Variants in GNG4 observed in about 807,000 individuals in gnomAD.
The protein encoded by GNG4 is guanine nucleotide-binding protein G(I)/G(S)/G(O) subunit gamma-4.
A neutral mutation model predicts 5.8 loss-of-function variants in GNG4; 4 were observed. The ratio of observed to expected loss-of-function variants is 0.69; its 90% CI spans 0.34 to 1.57. The LOEUF (loss-of-function observed/expected upper bound fraction) is 1.57, where lower values mean the gene tolerates loss of function less well. Among genes scored for constraint, GNG4 ranks in the 40% most tolerant of loss-of-function variants. The pLI, the probability that GNG4 is intolerant of heterozygous loss-of-function variation, is 0.06. For missense variants in GNG4, 96 were observed against 95.1 expected, an observed-to-expected ratio of 1.01 and a Z score of -0.04; for synonymous variants, 29 against 32.9, an observed-to-expected ratio of 0.88 and a Z score of 0.41.
At chr1:235,591,002 G>A (rs555322717) in intron 2 of GNG4, among the ~76,000 whole-genome samples, 22 of 152,294 alleles carry the variant, frequency 1.4e-4, no homozygotes, top group African/African-American at 5.1e-4. Context: ...GAGATCCTGC[G>A]CTTCTAACGA....
In GNG4 at chr1:235,596,233, C is replaced by T. The variant is rs1235065542; in HGVS notation, c.-122-722G>A. On this transcript the variant is annotated intron_variant, in intron 1 of 3. Coordinates refer to ENST00000391854, the MANE Select transcript of GNG4 (RefSeq NM_001098722.2). Reference sequence around the variant, plus strand: ...ATACACACACACACACACACACACACACACACACACACACACACACCTGGC... The same window carrying T: ...ATACACACACACACACACACACACATACACACACACACACACACACCTGGC... Among the ~76,000 whole-genome samples the T allele has an allele frequency of 2.0e-5, 3 of 148,716 alleles. No homozygotes were observed. In the Middle Eastern group the frequency reaches 0.011, roughly 563 times the overall value.
At chr1:235,592,094 C>G (rs954674573) in intron 2 of GNG4, among the ~76,000 whole-genome samples, 1 of 152,186 alleles carries the variant, frequency 6.6e-6, no homozygotes, top group African/African-American at 2.4e-5. Context: ...AACATCTTAA[C>G]ATATGTCTCT....
At chr1:235,610,143 C>T (rs1688450348) in intron 1 of GNG4, among the ~76,000 whole-genome samples, 1 of 152,222 alleles carries the variant, frequency 6.6e-6, no homozygotes, top group South Asian at 2.1e-4. Context: ...TTTAACCCCT[C>T]AGCCCTTCCT....
chr1:235,636,474 C>G (rs905405528), intron 1 of GNG4, among the ~76,000 whole-genome samples: 2 of 152,170 alleles, frequency 1.3e-5, no homozygotes, highest in Non-Finnish European at 2.9e-5. Flanking sequence ...GGCCTGCATT[C>G]CCTCATCTTT....
intron 1 of GNG4, among the ~76,000 whole-genome samples, chr1:235,632,162 T>C (rs1354660393): frequency 6.6e-6 from 1 of 152,134 alleles, no homozygotes; most frequent in Non-Finnish European, 1.5e-5. Context: ...CATGGCTCCC[T>C]GCAGCCTTAA....
chr1:235,574,747 C>T (rs900876642), intron 3 of GNG4, among the ~76,000 whole-genome samples: 26 of 151,994 alleles, frequency 1.7e-4, no homozygotes, highest in Admixed American at 2.0e-4. Flanking sequence ...TTCTCTTTTT[C>T]TGTTTTCTCT....
chr1:235,602,681 T>A (rs1558493376), intron 1 of GNG4, among the ~76,000 whole-genome samples: 1 of 152,332 alleles, frequency 6.6e-6, no homozygotes, highest in East Asian at 1.9e-4. Flanking sequence ...CACTCAGGTC[T>A]AACAAGGATT....
intron 2 of GNG4, among the ~76,000 whole-genome samples, chr1:235,591,211 C>G (rs1327567962): frequency 1.3e-5 from 2 of 152,328 alleles, no homozygotes; most frequent in South Asian, 4.1e-4. Context: ...TGCTCCGCCA[C>G]TGCTCCTGGC....
intron 3 of GNG4, among the ~76,000 whole-genome samples, chr1:235,560,025 T>C (rs1558473653): frequency 6.6e-6 from 1 of 152,232 alleles, no homozygotes; most frequent in Non-Finnish European, 1.5e-5. Context: ...GTTTGTCCCA[T>C]CTGACTGACT....
chr1:235,593,910 A>G (rs1309575913), intron 2 of GNG4, among the ~76,000 whole-genome samples: 2 of 152,214 alleles, frequency 1.3e-5, no homozygotes, highest in African/African-American at 4.8e-5. Flanking sequence ...CAAAGCCTGC[A>G]CAGCGTGCAT....
chr1:235,647,367 A>G (rs1056188616), intron 1 of GNG4, among the ~76,000 whole-genome samples: 1 of 152,148 alleles, frequency 6.6e-6, no homozygotes, highest in African/African-American at 2.4e-5. Context: ...GAAAGGGGCA[A>G]TCTTCTGACA....
chr1:235,623,137 T>C (rs1329545343), intron 1 of GNG4, among the ~76,000 whole-genome samples: 1 of 152,106 alleles, frequency 6.6e-6, no homozygotes, highest in Non-Finnish European at 1.5e-5. Flanking sequence ...CACCTTTTCC[T>C]GTTTCCCTGA....
intron 1 of GNG4, among the ~76,000 whole-genome samples, chr1:235,640,368 C>G (rs555944504): frequency 6.6e-6 from 1 of 152,174 alleles, no homozygotes; most frequent in Non-Finnish European, 1.5e-5. Context: ...TTCCCGGACC[C>G]TAGCCCAGAC....
At chr1:235,603,930 A>T (rs1688305458) in intron 1 of GNG4, among the ~76,000 whole-genome samples, 1 of 152,184 alleles carries the variant, frequency 6.6e-6, no homozygotes, top group South Asian at 2.1e-4. Flanking sequence ...AATAAACAAC[A>T]GAAAGAGAAA....
intron 1 of GNG4, among the ~76,000 whole-genome samples, chr1:235,620,287 C>G (rs1688679235): frequency 6.6e-6 from 1 of 152,022 alleles, no homozygotes; most frequent in African/African-American, 2.4e-5. Flanking sequence ...ATTGCTTGAA[C>G]CGGGGAGGTG....
chr1:235,613,272 C>T (rs1019206846), intron 1 of GNG4, among the ~76,000 whole-genome samples: 9 of 152,142 alleles, frequency 5.9e-5, no homozygotes, highest in African/African-American at 2.2e-4. Context: ...AGCAATGTTG[C>T]CTGGCAATGT....
chr1:235,568,117 G>A (rs903857167), intron 3 of GNG4, among the ~76,000 whole-genome samples: 1 of 151,212 alleles, frequency 6.6e-6, no homozygotes, highest in African/African-American at 2.4e-5. Flanking sequence ...TGTGCTGCCC[G>A]TTGCTTCCTT....
chr1:235,582,072 T>C (rs535638632), intron 3 of GNG4, among the ~76,000 whole-genome samples: 1 of 152,356 alleles, frequency 6.6e-6, no homozygotes, highest in South Asian at 2.1e-4. Flanking sequence ...CTCCCACGTT[T>C]ACTCTCCATG....
intron 1 of GNG4, among the ~76,000 whole-genome samples, chr1:235,616,927 C>CTT (rs58944537): frequency 8.1e-6 from 1 of 123,814 alleles, no homozygotes; most frequent in Non-Finnish European, 1.7e-5. Context: ...TTTTTTTTTT[C>CTT]AGTAGAGATG....
Sources: gnomAD v4.1 joint callset for allele counts (sites outside exome capture counted in the v4.1 genomes callset) on GRCh38, gnomAD v4.1.1 for gene constraint, MANE v1.5 for transcripts, NCBI Gene and HGNC (gene_info 2026-07-23, HGNC 2026-07-21) for gene names.